Variants in DAB1 observed in about 807,000 individuals in gnomAD.
The protein encoded by DAB1 is disabled homolog 1.
DAB1 carries 15 observed loss-of-function variants against 64.6 expected under a neutral mutation model. The ratio of observed to expected loss-of-function variants is 0.23; its 90% CI spans 0.16 to 0.36. DAB1 has a LOEUF of 0.36. Ranked by LOEUF, DAB1 falls within the 10% of genes least tolerant of loss-of-function variation. The probability of loss-of-function intolerance (pLI) is 1.00; values close to 1 mark genes in which losing one functional copy is unlikely to be tolerated. For synonymous variants in DAB1, 235 were observed against 251.9 expected (o/e 0.93, Z 0.64); for missense variants, 596 against 706.7 (o/e 0.84, Z 1.78).
intron 3 of DAB1, among the ~76,000 whole-genome samples, chr1:58,498,189 C>G (rs954499955): frequency 2.0e-5 from 3 of 151,754 alleles, no homozygotes; most frequent in Admixed American, 1.3e-4. Context: ...TCAAATTATT[C>G]TCTATCTTGA....
At chr1:57,706,009 G>A (rs1041354177) in intron 6 of DAB1, among the ~76,000 whole-genome samples, 1 of 148,158 alleles carries the variant, frequency 6.7e-6, no homozygotes, top group South Asian at 2.2e-4. Flanking sequence ...TATAATTTAA[G>A]GTATATAGCT....
intron 7 of DAB1, among the ~76,000 whole-genome samples, chr1:57,608,819 T>C (rs1645691724): frequency 6.6e-6 from 1 of 152,152 alleles, no homozygotes; most frequent in Non-Finnish European, 1.5e-5. Flanking sequence ...CCCTACATTC[T>C]AGTGGCTGGT....
chr1:58,369,927 T>A (rs535679199), intron 3 of DAB1, among the ~76,000 whole-genome samples: 2 of 152,326 alleles, frequency 1.3e-5, no homozygotes, highest in South Asian at 4.1e-4. Context: ...ATAAAAAATA[T>A]GGGAAAACAG....
intron 3 of DAB1, among the ~76,000 whole-genome samples, chr1:58,386,606 A>G (rs144101195): frequency 1.8e-3 from 268 of 152,290 alleles, no homozygotes; most frequent in Middle Eastern, 3.4e-3. Context: ...ACTACTTTCT[A>G]GTTCTATGAC....
intron 3 of DAB1, among the ~76,000 whole-genome samples, chr1:58,418,140 T>C (rs1644739335): frequency 6.6e-6 from 1 of 152,164 alleles, no homozygotes; most frequent in Admixed American, 6.5e-5. Context: ...CTCTGCCCCT[T>C]CCCTATTCTC....
downstream of DAB1, among the ~76,000 whole-genome samples, chr1:57,825,683 T>C (rs1282464617): frequency 6.6e-6 from 1 of 152,156 alleles, no homozygotes; most frequent in African/African-American, 2.4e-5. Context: ...TCAATGAACA[T>C]TTGTTGATTG....
chr1:58,345,486 C>T (rs6685807), intron 3 of DAB1, among the ~76,000 whole-genome samples: 28 of 152,300 alleles, frequency 1.8e-4, no homozygotes, highest in African/African-American at 6.3e-4. Context: ...GCAGGGATGC[C>T]TCCATTCCCT....
intron 5 of DAB1, among the ~76,000 whole-genome samples, chr1:58,064,524 G>C (rs186418681): frequency 2.0e-5 from 3 of 152,090 alleles, no homozygotes; most frequent in East Asian, 3.9e-4. Context: ...CCTAGAGGAC[G>C]AAGGAGGAAG....
At chr1:57,900,208 G>A (rs1301069540) in intron 5 of DAB1, among the ~76,000 whole-genome samples, 1 of 152,146 alleles carries the variant, frequency 6.6e-6, no homozygotes, top group African/African-American at 2.4e-5. Context: ...ACAGTCTCAC[G>A]GCATTGCTAT....
At chr1:57,507,077 G>A (rs1027721783) in intron 7 of DAB1, among the ~76,000 whole-genome samples, 9 of 152,000 alleles carry the variant, frequency 5.9e-5, no homozygotes, top group Admixed American at 3.9e-4. Context: ...TAATCATGTA[G>A]CCCCACTGCT....
At chr1:57,361,322 A>C (rs892869516) in intron 1 of DAB1, among the ~76,000 whole-genome samples, 1 of 152,128 alleles carries the variant, frequency 6.6e-6, no homozygotes, top group Non-Finnish European at 1.5e-5. Flanking sequence ...AATGAGAAAG[A>C]GCATGGACGT....
chr1:57,067,812 C>G (rs1557661743), intron 8 of DAB1, among the ~76,000 whole-genome samples: 1 of 152,214 alleles, frequency 6.6e-6, no homozygotes, highest in Non-Finnish European at 1.5e-5. Flanking sequence ...TGAATCCACA[C>G]AGCCAGACTC....
chr1:57,514,293 A>G (rs1644438878), intron 7 of DAB1, among the ~76,000 whole-genome samples: 3 of 152,228 alleles, frequency 2.0e-5, no homozygotes. Flanking sequence ...ACTAATTTGC[A>G]TTCCCACCAA....
In DAB1 at chr1:57,424,025, GC is replaced by G. The variant is rs1685144890; in HGVS notation, c.-233del. 1 of 152,186 alleles carries G rather than the reference GC, an allele frequency of 6.6e-6. No individual in the cohort carries two copies. Among genetic ancestry groups the G allele is most frequent in the South Asian group, 1.9e-4 (1 of 5,198 alleles). The allele number at this position is 152,186 out of a possible 1,614,324, so 9.4% of individuals were successfully genotyped here. A position where few individuals can be genotyped will look rare whatever the true frequency, so the allele number is the denominator to read the frequency against. On this transcript the variant is annotated 5_prime_UTR_variant, in exon 1 of 15. Coordinates refer to ENST00000371236, the MANE Select transcript of DAB1 (RefSeq NM_001365792.1). The stretch of plus-strand genomic sequence containing the variant: ...CGGCGGCACTCAGGCGCGCTCTGCA[GC>G]CCGGGGAAGCCCGGGCGAGCGCCGA...
intron 14 of DAB1, among the ~76,000 whole-genome samples, chr1:57,002,751 G>T (rs191694416): frequency 6.6e-6 from 1 of 152,294 alleles, no homozygotes; most frequent in East Asian, 1.9e-4. Context: ...CTGTGGGGGT[G>T]GGCCTGCCCC....
At chr1:57,415,542 G>C (rs867623750) in intron 1 of DAB1, among the ~76,000 whole-genome samples, 1 of 152,008 alleles carries the variant, frequency 6.6e-6, no homozygotes, top group Non-Finnish European at 1.5e-5. Flanking sequence ...CTTCCCAAAG[G>C]CATAAATAAC....
chr1:58,214,241 G>C (rs1445101707), intron 4 of DAB1, among the ~76,000 whole-genome samples: 1 of 152,052 alleles, frequency 6.6e-6, no homozygotes, highest in Middle Eastern at 3.2e-3. Flanking sequence ...TCTTTCAGTT[G>C]GGTAACTTCT....
In DAB1 at chr1:57,173,229, G is replaced by C. The variant is rs376472342; in HGVS notation, c.68-27800C>G. ...CCAGTTCAAGAGATTCTAAATGCCAGAGAAAGAAGCAGATGAGGGAGAAAA... is the reference window on the plus strand; with the variant it reads ...CCAGTTCAAGAGATTCTAAATGCCACAGAAAGAAGCAGATGAGGGAGAAAA... On this transcript the variant is annotated intron_variant, in intron 2 of 14. Transcript: ENST00000371236. Among the ~76,000 whole-genome samples, 8 of 152,202 alleles carry C rather than the reference G, an allele frequency of 5.3e-5. No homozygotes were observed. The East Asian group carries it at 1.5e-3, about 29-fold the overall frequency.
At chr1:58,466,947 T>G (rs1645303794) in intron 3 of DAB1, among the ~76,000 whole-genome samples, 1 of 152,194 alleles carries the variant, frequency 6.6e-6, no homozygotes, top group Non-Finnish European at 1.5e-5. Flanking sequence ...TGTTGTTGAA[T>G]GAATGAATAT....
Sources: gnomAD v4.1 joint callset for allele counts (sites outside exome capture counted in the v4.1 genomes callset) on GRCh38, gnomAD v4.1.1 for gene constraint, MANE v1.5 for transcripts, NCBI Gene and HGNC (gene_info 2026-07-23, HGNC 2026-07-21) for gene names.